Variants in KCNMA1 observed in about 807,000 individuals in gnomAD.
KCNMA1 encodes the protein Calcium-activated potassium channel subunit alpha-1.
Under a neutral mutation model 140.0 loss-of-function variants are expected in KCNMA1, and 29 were observed. The ratio of observed to expected loss-of-function variants is 0.21; its 90% CI spans 0.15 to 0.28. The LOEUF is 0.28. Among genes scored for constraint, KCNMA1 ranks in the 10% least tolerant of loss-of-function variants. KCNMA1 has a pLI of 1.00. For synonymous variants in KCNMA1, 612 were observed against 611.9 expected (o/e 1.00, Z 0.00); for missense variants, 880 against 1,602.2 (o/e 0.55, Z 7.70).
chr10:77,501,542 T>C (rs1029883785), intron 1 of KCNMA1, among the ~76,000 whole-genome samples: 3 of 152,194 alleles, frequency 2.0e-5, no homozygotes, highest in African/African-American at 7.2e-5. Context: ...GAGTGACTCA[T>C]GGAGCTTGTC....
At chr10:77,204,611 A>C (rs998724822) in intron 3 of KCNMA1, among the ~76,000 whole-genome samples, 11 of 152,158 alleles carry the variant, frequency 7.2e-5, no homozygotes, top group Non-Finnish European at 7.3e-5. Flanking sequence ...TAAATTAATA[A>C]ACCAAGCTTG....
In KCNMA1 at chr10:77,448,860, G is replaced by A. The variant is rs143016710; in HGVS notation, c.379-44837C>T. 7.9e-4 allele frequency among the ~76,000 whole-genome samples: 120 copies of A among 152,086 alleles called. 1 individual carries two copies. Among genetic ancestry groups the A allele is most frequent in the African/African-American group, 2.8e-3 (115 of 41,488 alleles). The stretch of plus-strand genomic sequence containing the variant: ...TCCCAGCACTTTGGGAGGCCAAGGC[G>A]GGCAGATTACGAGGTCAGGAGATCG... On this transcript the variant is annotated intron_variant, in intron 1 of 27. Transcript: ENST00000286628.
chr10:77,483,749 G>C (rs1485160795), intron 1 of KCNMA1, among the ~76,000 whole-genome samples: 2 of 152,188 alleles, frequency 1.3e-5, no homozygotes, highest in East Asian at 3.8e-4. Flanking sequence ...GATGAGCAAG[G>C]ATTATCTCCA....
intron 12 of KCNMA1, among the ~76,000 whole-genome samples, chr10:77,083,849 G>T (rs572498694): frequency 6.6e-5 from 10 of 151,260 alleles, no homozygotes; most frequent in South Asian, 2.1e-4. Context: ...AAAAAAAACG[G>T]GGGGGGGTTG....
At chr10:77,521,675 A>G (rs977269100) in intron 1 of KCNMA1, among the ~76,000 whole-genome samples, 1 of 152,198 alleles carries the variant, frequency 6.6e-6, no homozygotes. Flanking sequence ...CATTATCAAT[A>G]TTTATTTTAA....
chr10:77,088,984 A>G lies in KCNMA1; in HGVS notation c.1334+1416T>C, dbSNP rs1318373831. ...ATGTGTGTTCATCTTGAAATGCCCA[A>G]CTCATGTGGGGGCACAGCCTACACA... On this transcript the variant is annotated intron_variant, in intron 10 of 27. Coordinates refer to ENST00000286628, the MANE Select transcript of KCNMA1 (RefSeq NM_001161352.2). Among the ~76,000 whole-genome samples the G allele has an allele frequency of 2.0e-5, 3 of 152,106 alleles. 1 individual carries two copies. Among genetic ancestry groups the G allele is most frequent in the Admixed American group, 2.0e-4 (3 of 15,276 alleles).
At chr10:77,047,885 G>A (rs1039534297) in intron 14 of KCNMA1, among the ~76,000 whole-genome samples, 2 of 152,092 alleles carry the variant, frequency 1.3e-5, no homozygotes, top group African/African-American at 2.4e-5. Context: ...GAATAGTTCA[G>A]CTTCGTATGC....
At chr10:77,121,695 C>A (rs185775580) in intron 5 of KCNMA1, among the ~76,000 whole-genome samples, 1 of 152,248 alleles carries the variant, frequency 6.6e-6, no homozygotes, top group East Asian at 1.9e-4. Context: ...TCAACAACCT[C>A]TCTTGAATGA....
intron 1 of KCNMA1, among the ~76,000 whole-genome samples, chr10:77,438,215 C>A (rs1009518993): frequency 2.6e-5 from 4 of 152,198 alleles, no homozygotes; most frequent in Non-Finnish European, 5.9e-5. Flanking sequence ...TGGGCCGCCA[C>A]ACCAGAAGAA....
At chr10:77,253,451 G>A (rs942183962) in intron 2 of KCNMA1, among the ~76,000 whole-genome samples, 6 of 152,224 alleles carry the variant, frequency 3.9e-5, no homozygotes, top group East Asian at 1.9e-4. Flanking sequence ...CAATGATTTC[G>A]CAGCATCCAG....
chr10:77,183,494 T>C lies in KCNMA1; in HGVS notation c.735A>G (p.Glu245=). The change falls in exon 5 of 28, where the codon GAA becomes GAG. Residue 245 remains glutamate, a synonymous_variant. Coordinates refer to ENST00000286628, the MANE Select transcript of KCNMA1 (RefSeq NM_001161352.2). Reference sequence around the variant, plus strand: ...TGAAGAAATCCACTACAGAGTTCACTTCCAGCCAGAACCACAATTTATCGT... The same window carrying C: ...TGAAGAAATCCACTACAGAGTTCACCTCCAGCCAGAACCACAATTTATCGT... ...AANDKLWFWL[E]VNSVVDFFTV... is the part of the protein sequence containing the mutation. The C allele has an allele frequency of 1.2e-6, 2 of 1,613,864 alleles. No homozygotes were observed. Among genetic ancestry groups the C allele is most frequent in the Non-Finnish European group, 1.7e-6 (2 of 1,179,928 alleles).
intron 1 of KCNMA1, among the ~76,000 whole-genome samples, chr10:77,582,342 C>T (rs1290589614): frequency 6.6e-6 from 1 of 152,232 alleles, no homozygotes; most frequent in Non-Finnish European, 1.5e-5. Context: ...TATTATGAGG[C>T]ATAAACAACT....
chr10:77,603,069 C>T (rs2083184903), intron 1 of KCNMA1, among the ~76,000 whole-genome samples: 1 of 152,164 alleles, frequency 6.6e-6, no homozygotes, highest in Non-Finnish European at 1.5e-5. Flanking sequence ...AGGAAGAGTA[C>T]AGTCTGGGGC....
At chr10:77,626,449 A>G (rs959438825) in intron 1 of KCNMA1, among the ~76,000 whole-genome samples, 1 of 152,214 alleles carries the variant, frequency 6.6e-6, no homozygotes, top group Non-Finnish European at 1.5e-5. Context: ...GTTGCCAGCT[A>G]ATGTTGGTCA....
chr10:77,350,915 G>T (rs1325089952), intron 2 of KCNMA1, among the ~76,000 whole-genome samples: 1 of 152,160 alleles, frequency 6.6e-6, no homozygotes, highest in African/African-American at 2.4e-5. Flanking sequence ...GGGTGGTTTG[G>T]GGGTGGAGGC....
At chr10:76,953,026 G>C (rs1367593634) in intron 21 of KCNMA1, among the ~76,000 whole-genome samples, 1 of 152,200 alleles carries the variant, frequency 6.6e-6, no homozygotes, top group Non-Finnish European at 1.5e-5. Context: ...AACAAGGGCA[G>C]AGAGTAGAAT....
chr10:76,910,400 A>T (rs960263162), intron 24 of KCNMA1: 9 of 375,296 alleles, frequency 2.4e-5, no homozygotes, highest in Non-Finnish European at 4.1e-5. Flanking sequence ...TAGGATCATG[A>T]CCTAAAAACA....
intron 3 of KCNMA1, among the ~76,000 whole-genome samples, chr10:77,205,882 C>T (rs955431469): frequency 3.9e-5 from 6 of 152,076 alleles, no homozygotes; most frequent in African/African-American, 1.4e-4. Context: ...GAAGTGACAC[C>T]TCTGGGTAGG....
intron 1 of KCNMA1, among the ~76,000 whole-genome samples, chr10:77,615,444 T>C (rs2089053860): frequency 6.6e-6 from 1 of 152,004 alleles, no homozygotes. Context: ...AGAAGGTGGG[T>C]GGTGTAGGGG....
Sources: allele counts gnomAD v4.1 joint callset (sites outside exome capture counted in the v4.1 genomes callset), GRCh38; gene constraint gnomAD v4.1.1; transcripts MANE v1.5; gene names NCBI Gene and HGNC (gene_info 2026-07-23, HGNC 2026-07-21).